DCLK1: variants seen among roughly 807,000 people sequenced by gnomAD.
The protein encoded by DCLK1 is doublecortin like kinase 1, also known as serine/threonine-protein kinase DCLK1.
In DCLK1, 16 loss-of-function variants were observed where a neutral mutation model predicts 86.2. That is an observed-to-expected ratio of 0.19 (90% CI 0.13 to 0.28). DCLK1 has a LOEUF of 0.28. Ranked by LOEUF, DCLK1 falls within the 10% of genes least tolerant of loss-of-function variation. The pLI is 1.00. For missense variants in DCLK1, 590 were observed against 940.2 expected (o/e 0.63, Z 4.87); for synonymous variants, 369 against 370.5 (o/e 1.00, Z 0.05).
At chr13:35,844,641 A>G (rs1234152132) in intron 6 of DCLK1, among the ~76,000 whole-genome samples, 1 of 152,152 alleles carries the variant, frequency 6.6e-6, no homozygotes, top group Non-Finnish European at 1.5e-5. Flanking sequence ...TTACTCCTCA[A>G]ATGGGATTCC....
chr13:35,915,095 T>C (rs1432297646), intron 4 of DCLK1, among the ~76,000 whole-genome samples: 1 of 152,250 alleles, frequency 6.6e-6, no homozygotes, highest in Non-Finnish European at 1.5e-5. Context: ...CAGAGAATTC[T>C]GAAACATAAA....
chr13:35,827,839 G>A, intron 9 of DCLK1, 85 bp from the exon 10 acceptor site: 2 of 1,499,580 alleles, frequency 1.3e-6, no homozygotes, highest in Admixed American at 1.9e-5. Context: ...ACTATGTAAG[G>A]GTCAAGAGAG....
At chr13:35,917,818 A>G (rs9545749) in intron 4 of DCLK1, among the ~76,000 whole-genome samples, 27,934 of 147,150 alleles carry the variant, frequency 0.19, 3,149 homozygotes, top group East Asian at 0.48. Context: ...GGCGGGGGGC[A>G]GGGCGGGGAG....
chr13:36,051,300 A>G (rs1460374623), intron 3 of DCLK1, among the ~76,000 whole-genome samples: 2 of 152,132 alleles, frequency 1.3e-5, no homozygotes, highest in Non-Finnish European at 2.9e-5. Context: ...GTGTTTCAAC[A>G]CATCATAATG....
At chr13:35,931,229 A>T (rs1184977685) in intron 4 of DCLK1, among the ~76,000 whole-genome samples, 1 of 152,176 alleles carries the variant, frequency 6.6e-6, no homozygotes, top group Non-Finnish European at 1.5e-5. Context: ...AGGGCCTGGA[A>T]ATCAGACCTC....
chr13:35,888,901 T>A (rs570173091), intron 4 of DCLK1, among the ~76,000 whole-genome samples: 111 of 152,376 alleles, frequency 7.3e-4, no homozygotes, highest in Middle Eastern at 6.8e-3. Context: ...AACTTGTATT[T>A]CTATGACAAA....
chr13:35,878,533 A>G (rs766242921), intron 4 of DCLK1, among the ~76,000 whole-genome samples: 7 of 152,178 alleles, frequency 4.6e-5, no homozygotes, highest in Non-Finnish European at 7.3e-5. Flanking sequence ...TGGGGGGGAA[A>G]TGGGGATGGT....
intron 1 of DCLK1, among the ~76,000 whole-genome samples, chr13:36,130,843 C>A (rs374649424): frequency 6.6e-6 from 1 of 152,238 alleles, no homozygotes; most frequent in South Asian, 2.1e-4. Flanking sequence ...AGGGCCCGCT[C>A]GCCTGACTCC....
chr13:35,954,922 T>C (rs947247695), intron 3 of DCLK1, among the ~76,000 whole-genome samples: 4 of 151,972 alleles, frequency 2.6e-5, no homozygotes, highest in Non-Finnish European at 4.4e-5. Context: ...CTTAAAGAAA[T>C]AGAAAAAGGA....
intron 3 of DCLK1, among the ~76,000 whole-genome samples, chr13:36,048,358 A>G (rs7994697): frequency 0.32 from 48,505 of 152,068 alleles, 7,928 homozygotes; most frequent in Non-Finnish European, 0.36. Flanking sequence ...ATCAATAACT[A>G]TTATATATAT....
intron 15 of DCLK1, 87 bp from the exon 16 acceptor site, chr13:35,793,566 T>A: frequency 9.7e-7 from 1 of 1,031,290 alleles, no homozygotes; most frequent in Non-Finnish European, 1.4e-6. Flanking sequence ...TCACAGGCAG[T>A]GATCTTAGAA....
chr13:35,822,983 C>A (rs2087432822), intron 10 of DCLK1, 108 bp from the exon 11 acceptor site: 25 of 1,340,538 alleles, frequency 1.9e-5, no homozygotes, highest in Non-Finnish European at 2.6e-5. Context: ...GATGTGGAAT[C>A]TTTGGGTTCC....
intron 3 of DCLK1, among the ~76,000 whole-genome samples, chr13:36,081,686 G>T (rs954114265): frequency 1.3e-5 from 2 of 152,056 alleles, no homozygotes; most frequent in Non-Finnish European, 2.9e-5. Context: ...GCACACATGC[G>T]CATGAAGGTC....
intron 3 of DCLK1, among the ~76,000 whole-genome samples, chr13:35,996,307 G>A (rs554028109): frequency 2.0e-5 from 3 of 152,274 alleles, no homozygotes; most frequent in East Asian, 3.9e-4. Flanking sequence ...TTCATCATTC[G>A]CTTCAGTGTG....
intron 4 of DCLK1, among the ~76,000 whole-genome samples, chr13:35,872,781 T>G (rs772389339): frequency 1.3e-5 from 2 of 152,172 alleles, no homozygotes; most frequent in Non-Finnish European, 2.9e-5. Context: ...CACTAACATT[T>G]TTAATAGTGT....
chr13:35,968,106 C>G (rs1166492807), intron 3 of DCLK1, among the ~76,000 whole-genome samples: 1 of 151,928 alleles, frequency 6.6e-6, no homozygotes, highest in Non-Finnish European at 1.5e-5. Context: ...ATCCTGAGGT[C>G]ATTATGCTAA....
intron 3 of DCLK1, among the ~76,000 whole-genome samples, chr13:35,964,450 C>T (rs1225249454): frequency 6.6e-6 from 1 of 152,336 alleles, no homozygotes; most frequent in Non-Finnish European, 1.5e-5. Context: ...TTTAAACTTC[C>T]GTCTTCCTTT....
chr13:35,975,070 CACA>C (rs1879266959), intron 3 of DCLK1, among the ~76,000 whole-genome samples: 1 of 152,254 alleles, frequency 6.6e-6, no homozygotes, highest in Admixed American at 6.5e-5. Flanking sequence ...TCCCCAAGGG[CACA>C]ACACCTGTGC....
rs914071196 is a variant in DCLK1 at position 36,015,076 on chromosome 13, C to T, written c.724-67619G>A. ...ATTTTTGATGTGATTGCATCTGCTCCGTGGGAGCAGTGATTATGTCTCTTT... is the reference window on the plus strand; with the variant it reads ...ATTTTTGATGTGATTGCATCTGCTCTGTGGGAGCAGTGATTATGTCTCTTT... On this transcript the variant is annotated intron_variant, in intron 3 of 16. Transcript: ENST00000360631. 9.2e-5 allele frequency among the ~76,000 whole-genome samples: 14 copies of T among 151,740 alleles called. No homozygotes were observed. In the East Asian group the frequency reaches 1.6e-3, roughly 17 times the overall value.
Sources: gnomAD v4.1 joint callset for allele counts (sites outside exome capture counted in the v4.1 genomes callset) on GRCh38, gnomAD v4.1.1 for gene constraint, MANE v1.5 for transcripts, NCBI Gene and HGNC (gene_info 2026-07-23, HGNC 2026-07-21) for gene names.